Variants in CEP68 observed in about 807,000 individuals in gnomAD.
The protein encoded by CEP68 is centrosomal protein of 68 kDa.
In CEP68, 26 loss-of-function variants were observed where a neutral mutation model predicts 55.3. The observed-to-expected ratio is 0.47, with a 90% confidence interval of 0.34 to 0.65. The LOEUF is 0.65. CEP68 is among the 30% of genes least tolerant of loss of function. CEP68 has a pLI of 0.01. For synonymous variants in CEP68, 402 were observed against 383.2 expected, an observed-to-expected ratio of 1.05 and a Z score of -0.57; for missense variants, 957 against 946.7, an observed-to-expected ratio of 1.01 and a Z score of -0.14.
At chr2:65,063,655 G>C (rs979628675) in intron 1 of CEP68, among the ~76,000 whole-genome samples, 4 of 152,152 alleles carry the variant, frequency 2.6e-5, no homozygotes, top group African/African-American at 9.7e-5. Flanking sequence ...TAAAATCTCG[G>C]ATCTATGGAA....
intron 5 of CEP68, among the ~76,000 whole-genome samples, chr2:65,081,007 T>C (rs543157821): frequency 2.5e-4 from 38 of 152,056 alleles, no homozygotes; most frequent in Non-Finnish European, 4.9e-4. Flanking sequence ...GGTCAGGAGT[T>C]CGAGACCAGC....
rs1669008790 is a variant in CEP68, at chr2:65,085,763, A to G, written c.*2129A>G. On this transcript the variant is annotated 3_prime_UTR_variant, in exon 7 of 7. Transcript: ENST00000377990. Reference sequence around the variant, plus strand: ...GAGGCGGAGCTTGCAGTGAGCTGAGATGGCACCACTGCACTCCAGCCTGGG... The same window carrying G: ...GAGGCGGAGCTTGCAGTGAGCTGAGGTGGCACCACTGCACTCCAGCCTGGG... 1 of 152,186 alleles carries G rather than the reference A, an allele frequency of 6.6e-6. No homozygotes were observed. The highest frequency in any genetic ancestry group is 6.6e-5 in the Admixed American group (1 of 15,266). 9.4% of individuals were successfully genotyped at this position (152,186 alleles called of 1,614,324 possible).
chr2:65,062,490 G>A (rs34291961), intron 1 of CEP68, among the ~76,000 whole-genome samples: 2,751 of 147,596 alleles, frequency 0.019, 30 homozygotes, highest in Middle Eastern at 0.029. Context: ...CCAAGATCTC[G>A]CTGCTGTACT....
intron 1 of CEP68, among the ~76,000 whole-genome samples, chr2:65,060,240 A>G (rs1194758203): frequency 1.3e-5 from 2 of 148,234 alleles, no homozygotes; most frequent in Non-Finnish European, 3.0e-5. Flanking sequence ...ATTTTTTTTT[A>G]TCAGTTTTGC....
chr2:65,069,575 G>A lies in CEP68; in HGVS notation c.131G>A (p.Arg44His), dbSNP rs761493048. Residue 44 changes from arginine to histidine, a missense_variant, in exon 2 of 7, where the codon CGC (arginine) becomes CAC (histidine). Transcript: ENST00000377990. ...CCCATGAGTGGGGAGCAGCCCCCAC[G>A]CCTGGAAGCTGAGGGAGGGCTCATC... ...PGPMSGEQPP[R>H]LEAEGGLISP... 1.4e-5 allele frequency: 23 copies of A among 1,613,278 alleles called. No homozygotes were observed. The highest frequency in any genetic ancestry group is 1.9e-5 in the Non-Finnish European group (22 of 1,179,530).
chr2:65,060,308 G>A lies in CEP68; in HGVS notation c.-47+3780G>A, dbSNP rs1370386983. Among the ~76,000 whole-genome samples, 5 of 152,192 alleles carry A rather than the reference G, an allele frequency of 3.3e-5. No individual in the cohort carries two copies. In the East Asian group the frequency reaches 9.6e-4, roughly 29 times the overall value. On this transcript the variant is annotated intron_variant, in intron 1 of 6. Transcript: ENST00000377990. ...GGAGACAGCTGTTTCTGTTATTGAG[G>A]CCAGAGAATTCTCCCATGGCTTCTC...
chr2:65,060,758 G>A (rs1043562594), intron 1 of CEP68, among the ~76,000 whole-genome samples: 2 of 152,174 alleles, frequency 1.3e-5, no homozygotes, highest in African/African-American at 4.8e-5. Context: ...CAGCATCCTT[G>A]TACATTGAGC....
chr2:65,080,412 G>A (rs1017057201), intron 5 of CEP68: 60 of 985,140 alleles, frequency 6.1e-5, no homozygotes, highest in East Asian at 1.1e-4. Flanking sequence ...CTTTTCTTCC[G>A]CCAGGAGCAT....
At chr2:65,076,374 C>T (rs970017052) in intron 4 of CEP68, among the ~76,000 whole-genome samples, 12 of 152,196 alleles carry the variant, frequency 7.9e-5, no homozygotes, top group African/African-American at 2.9e-4. Context: ...ACGGAAACAA[C>T]CAGCTTGCTT....
At chr2:65,074,581 G>C in intron 4 of CEP68, 177 bp downstream of exon 4, 1 of 886,592 alleles carries the variant, frequency 1.1e-6, no homozygotes, top group South Asian at 1.4e-5. Flanking sequence ...TAAAATGCAT[G>C]AATTATTTCC....
intron 4 of CEP68, among the ~76,000 whole-genome samples, chr2:65,075,709 C>T (rs1262875090): frequency 2.0e-5 from 3 of 152,144 alleles, no homozygotes; most frequent in African/African-American, 7.2e-5. Flanking sequence ...TGGTTGGCTG[C>T]ACCTTTCTAA....
At chr2:65,078,003 T>A in intron 5 of CEP68, 39 bp downstream of exon 5, 1 of 1,520,548 alleles carries the variant, frequency 6.6e-7, no homozygotes, top group Non-Finnish European at 9.1e-7. Flanking sequence ...CAGAGCTTAA[T>A]CCCTGTCAGC....
In CEP68 at chr2:65,082,263, A is replaced by G. The variant is rs949004214; in HGVS notation, c.2105-273A>G. On this transcript the variant is annotated intron_variant, in intron 5 of 6. Coordinates refer to ENST00000377990, the MANE Select transcript of CEP68 (RefSeq NM_015147.3). ...TAATACCAGCCATCAGAAAACCATA[A>G]TATCTCTGTGCCCTTCTGTGAATTA... Among the ~76,000 whole-genome samples, 14 of 152,154 alleles carry G rather than the reference A, an allele frequency of 9.2e-5. No individual in the cohort carries two copies. In the East Asian group the frequency reaches 1.2e-3, roughly 13 times the overall value.
Position 65,085,260 on chromosome 2 carries a change from A to G in CEP68, c.*1626A>G, listed in dbSNP as rs767507007. On this transcript the variant is annotated 3_prime_UTR_variant, in exon 7 of 7. Transcript: ENST00000377990. ...CAATATTATACTAATTGAATGCAGA[A>G]TGTGGCATTCTATTCCCATTCAACT... is the stretch of plus-strand genomic sequence containing the variant. 2.6e-5 allele frequency: 4 copies of G among 152,342 alleles called. No homozygotes were observed. Among genetic ancestry groups the G allele is most frequent in the Non-Finnish European group, 2.9e-5 (2 of 68,028 alleles). The allele number at this position is 152,342 out of a possible 1,614,324, so 9.4% of individuals were successfully genotyped here.
chr2:65,059,984 A>G (rs1460038073), intron 1 of CEP68, among the ~76,000 whole-genome samples: 2 of 151,440 alleles, frequency 1.3e-5, no homozygotes, highest in African/African-American at 4.9e-5. Flanking sequence ...GCTTTTTTCT[A>G]TTTTTTGTTT....
At chr2:65,079,225 C>T (rs991634501) in intron 5 of CEP68, among the ~76,000 whole-genome samples, 1 of 152,210 alleles carries the variant, frequency 6.6e-6, no homozygotes. Flanking sequence ...TGGGCAGGTG[C>T]ATACCGTGAA....
intron 6 of CEP68, among the ~76,000 whole-genome samples, 153 bp downstream of exon 6, chr2:65,082,862 C>T (rs926897956): frequency 6.6e-6 from 1 of 152,192 alleles, no homozygotes. Flanking sequence ...AGTTGCTGGT[C>T]TTCCTATGAT....
At chr2:65,057,376 T>C (rs956233791) in intron 1 of CEP68, among the ~76,000 whole-genome samples, 27 of 152,244 alleles carry the variant, frequency 1.8e-4, no homozygotes, top group Non-Finnish European at 2.9e-5. Context: ...TTGAAAGATC[T>C]AGAAGTCACC....
chr2:65,072,001 T>G lies in CEP68; in HGVS notation c.905T>G (p.Leu302Arg), dbSNP rs748827873. The change falls in exon 3 of 7, where the codon CTG (leucine) becomes CGG (arginine). Residue 302 changes from leucine (L) to arginine (R), a missense_variant. Physicochemically the swap from Leu to Arg is moderately radical, Grantham distance 102. Transcript: ENST00000377990. Reference sequence around the variant, plus strand: ...AACCCAAATAAAGAGTATGAAGATCTGCTTGACTATACTTACCCACTGAGG... The same window carrying G: ...AACCCAAATAAAGAGTATGAAGATCGGCTTGACTATACTTACCCACTGAGG... ...LWNPNKEYEDLLDYTYPLRPG... is the reference protein window; with the variant it reads ...LWNPNKEYEDRLDYTYPLRPG... The G allele has an allele frequency of 6.2e-7, 1 of 1,613,180 alleles. No individual in the cohort carries two copies. Among genetic ancestry groups the G allele is most frequent in the Non-Finnish European group, 8.5e-7 (1 of 1,179,986 alleles).
Sources: gnomAD v4.1 joint callset for allele counts (sites outside exome capture counted in the v4.1 genomes callset) on GRCh38, gnomAD v4.1.1 for gene constraint, MANE v1.5 for transcripts, NCBI Gene and HGNC (gene_info 2026-07-23, HGNC 2026-07-21) for gene names.